Variants in NKAIN1 observed in about 807,000 individuals in gnomAD.
The protein encoded by NKAIN1 is sodium/potassium transporting ATPase interacting 1.
NKAIN1 carries 13 observed loss-of-function variants against 31.6 expected under a neutral mutation model. The observed-to-expected ratio is 0.41, with a 90% CI of 0.27 to 0.65. The LOEUF (loss-of-function observed/expected upper bound fraction) is 0.65, where lower values mean the gene tolerates loss of function less well. NKAIN1 is among the 30% of genes least tolerant of loss of function. The probability of loss-of-function intolerance (pLI) is 0.30; values close to 1 mark genes in which losing one functional copy is unlikely to be tolerated. For missense variants in NKAIN1, 193 were observed against 262.2 expected (o/e 0.74, Z 1.82); for synonymous variants, 104 against 109.0 (o/e 0.95, Z 0.28).
intron 2 of NKAIN1, among the ~76,000 whole-genome samples, chr1:31,185,555 A>T (rs1412395551): frequency 1.3e-5 from 2 of 152,166 alleles, no homozygotes; most frequent in Non-Finnish European, 2.9e-5. Context: ...CTTAAAACTG[A>T]AAGGAAGTTT....
chr1:31,181,331 T>C lies in NKAIN1; in HGVS notation c.*372A>G, dbSNP rs1570445831. ...GTGGTGGGATGGGATGGGTCTGATG[T>C]CCTGCTGTTTTTGGACAGGGGGGCA... On this transcript the variant is annotated 3_prime_UTR_variant, in exon 7 of 7. Coordinates refer to ENST00000373736, the MANE Select transcript of NKAIN1 (RefSeq NM_024522.3). 3 of 226,280 alleles carry C rather than the reference T, an allele frequency of 1.3e-5. No homozygotes were observed. The highest frequency in any genetic ancestry group is 3.5e-4 in the South Asian group (2 of 5,650). 14.0% of individuals were successfully genotyped at this position (226,280 alleles called of 1,614,324 possible).
chr1:31,207,406 A>C (rs1344424877), intron 1 of NKAIN1, among the ~76,000 whole-genome samples: 1 of 152,230 alleles, frequency 6.6e-6, no homozygotes, highest in Non-Finnish European at 1.5e-5. Context: ...TGCCTGGTTC[A>C]TAGCCATAGA....
intron 1 of NKAIN1, among the ~76,000 whole-genome samples, chr1:31,200,844 C>T (rs1158612314): frequency 6.9e-6 from 1 of 145,004 alleles, no homozygotes; most frequent in Non-Finnish European, 1.5e-5. Flanking sequence ...TCTCGAGTGC[C>T]TTTTTTTTTT....
chr1:31,186,843 G>C (rs1180438649), intron 2 of NKAIN1, among the ~76,000 whole-genome samples: 2 of 152,238 alleles, frequency 1.3e-5, no homozygotes. Context: ...GCAATGCTAG[G>C]TCAGCACTGA....
chr1:31,200,031 A>ACACACACG (rs1557653812), intron 1 of NKAIN1, among the ~76,000 whole-genome samples: 2 of 151,534 alleles, frequency 1.3e-5, no homozygotes, highest in African/African-American at 4.8e-5. Context: ...ACACGCACAC[A>ACACACACG]CACACACATG....
At chr1:31,236,142 G>A (rs941434500) in intron 1 of NKAIN1, among the ~76,000 whole-genome samples, 3 of 152,054 alleles carry the variant, frequency 2.0e-5, no homozygotes, top group Admixed American at 6.6e-5. Context: ...TAAGCAACTT[G>A]CCCAAAATTG....
intron 2 of NKAIN1, among the ~76,000 whole-genome samples, chr1:31,186,446 C>T (rs1347342390): frequency 7.7e-6 from 1 of 129,192 alleles, no homozygotes; most frequent in Non-Finnish European, 1.6e-5. Context: ...GTCACCCAGG[C>T]TGGAGGGCAG....
chr1:31,185,234 G>T lies in NKAIN1; in HGVS notation c.273+13C>A. ...AGGCTCTGCCCTATGGCACTGCCAG[G>T]TCTGAGGCTTACCTGGGACAGCTGT... On this transcript the variant is annotated intron_variant, in intron 3 of 6. Coordinates refer to ENST00000373736, the MANE Select transcript of NKAIN1 (RefSeq NM_024522.3). The T allele has an allele frequency of 6.2e-7, 1 of 1,602,042 alleles. No individual in the cohort carries two copies. The highest frequency in any genetic ancestry group is 8.5e-7 in the Non-Finnish European group (1 of 1,173,412).
At chr1:31,184,716 C>T (rs1456990673) in intron 3 of NKAIN1, among the ~76,000 whole-genome samples, 1 of 152,156 alleles carries the variant, frequency 6.6e-6, no homozygotes, top group Non-Finnish European at 1.5e-5. Flanking sequence ...TATTTTGCCT[C>T]TTTTATATCT....
intron 1 of NKAIN1, among the ~76,000 whole-genome samples, chr1:31,222,481 T>C (rs556743676): frequency 3.9e-4 from 60 of 152,314 alleles, no homozygotes; most frequent in African/African-American, 1.4e-3. Context: ...GCCTTCACTT[T>C]CCTTTGCCAA....
intron 1 of NKAIN1, among the ~76,000 whole-genome samples, chr1:31,208,125 T>C (rs1022388566): frequency 6.6e-6 from 1 of 152,134 alleles, no homozygotes. Flanking sequence ...ATGGCTGAGA[T>C]GTGTTCTGTT....
intron 1 of NKAIN1, among the ~76,000 whole-genome samples, chr1:31,192,852 C>T (rs894341866): frequency 1.3e-5 from 2 of 151,408 alleles, no homozygotes; most frequent in Non-Finnish European, 2.9e-5. Flanking sequence ...CCATGCCTGG[C>T]CTAAATATAT....
rs1485197654 is a variant in NKAIN1 at position 31,239,507 on chromosome 1, C to A, written c.41G>T (p.Cys14Phe). ...CSGRCTLVAF[C>F]CLQLVAALER... Reference sequence around the variant, plus strand: ...CGCGACGCTTACCAGCTGCAGGCAGCAGAAGGCGACCAGCGTGCAGCGCCC... The same window carrying A: ...CGCGACGCTTACCAGCTGCAGGCAGAAGAAGGCGACCAGCGTGCAGCGCCC... The change falls in exon 1 of 7, where the codon TGC becomes TTC. Residue 14 changes from cysteine (C) to phenylalanine (F), a missense_variant. Coordinates refer to ENST00000373736, the MANE Select transcript of NKAIN1 (RefSeq NM_024522.3). This position sits in a 1 kb window ranked among gnomAD's most constrained non-coding sequence, Gnocchi z 4.8. 1 of 1,411,668 alleles carries A rather than the reference C, an allele frequency of 7.1e-7. No individual in the cohort carries two copies. The highest frequency in any genetic ancestry group is 2.9e-5 in the Admixed American group (1 of 33,944). 87.4% of individuals were successfully genotyped at this position (1,411,668 alleles called of 1,614,324 possible). A position where few individuals can be genotyped will look rare whatever the true frequency, so the allele number is the denominator to read the frequency against.
At chr1:31,236,929 A>G (rs1024758410) in intron 1 of NKAIN1, among the ~76,000 whole-genome samples, 1 of 152,214 alleles carries the variant, frequency 6.6e-6, no homozygotes, top group African/African-American at 2.4e-5. Context: ...TAAGAAGGCA[A>G]CAGAGGACCT....
chr1:31,225,033 C>CTTTTCTTTTTTTTTTTTTTTTTTTTTT lies in NKAIN1; in HGVS notation c.54+14460_54+14461insAAAAAAAAAAAAAAAAAAAAAAGAAAA, dbSNP rs542671307. On this transcript the variant is annotated intron_variant, in intron 1 of 6. Coordinates refer to ENST00000373736, the MANE Select transcript of NKAIN1 (RefSeq NM_024522.3). ...AGCCCATTTCTTTTTCTTTTCTTTTCTTTTTTTTTTTTTGAGACGGACTCT... is the reference window on the plus strand; with the variant it reads ...AGCCCATTTCTTTTTCTTTTCTTTTCTTTTCTTTTTTTTTTTTTTTTTTTTTTTTTTTTTTTTTTTGAGACGGACTCT... Among the ~76,000 whole-genome samples, 27 of 112,126 alleles carry CTTTTCTTTTTTTTTTTTTTTTTTTTTT rather than the reference C, an allele frequency of 2.4e-4. 2 individuals are homozygous for CTTTTCTTTTTTTTTTTTTTTTTTTTTT. The highest frequency in any genetic ancestry group is 6.3e-4 in the African/African-American group (15 of 23,848). The allele number at this position is 112,126 out of a possible 152,430, so 73.6% of individuals were successfully genotyped here. A position where few individuals can be genotyped will look rare whatever the true frequency, so the allele number is the denominator to read the frequency against.
At chr1:31,188,382 A>T (rs1645261082) in intron 1 of NKAIN1, 195 bp from the exon 2 acceptor site, 3 of 606,034 alleles carry the variant, frequency 5.0e-6, no homozygotes, top group Non-Finnish European at 8.6e-6. Context: ...GTGGGCTGAA[A>T]GGTGATAGGA....
intron 1 of NKAIN1, among the ~76,000 whole-genome samples, chr1:31,228,482 A>G (rs1014713597): frequency 2.0e-5 from 3 of 152,128 alleles, no homozygotes; most frequent in African/African-American, 4.8e-5. Context: ...GTTCATAATT[A>G]TAGATATCAT....
At chr1:31,234,234 T>C (rs1569594419) in intron 1 of NKAIN1, among the ~76,000 whole-genome samples, 1 of 152,220 alleles carries the variant, frequency 6.6e-6, no homozygotes, top group Non-Finnish European at 1.5e-5. Context: ...CTCCTGACTC[T>C]GATACCCGGC....
At chr1:31,214,794 A>G (rs1281561373) in intron 1 of NKAIN1, among the ~76,000 whole-genome samples, 3 of 152,242 alleles carry the variant, frequency 2.0e-5, no homozygotes, top group Non-Finnish European at 1.5e-5. Context: ...GGAGATGGAC[A>G]TAATAGCAGG....
Sources: allele counts gnomAD v4.1 joint callset (sites outside exome capture counted in the v4.1 genomes callset), GRCh38; gene constraint gnomAD v4.1.1; non-coding constraint Gnocchi (gnomAD v3.1); transcripts MANE v1.5; gene names NCBI Gene and HGNC (gene_info 2026-07-23, HGNC 2026-07-21).